Variants in TPRG1 observed in about 807,000 individuals in gnomAD.
TPRG1 encodes the protein tumor protein p63 regulated 1.
TPRG1 carries 29 observed loss-of-function variants against 29.3 expected under a neutral mutation model. The ratio of observed to expected loss-of-function variants is 0.99; its 90% CI spans 0.74 to 1.35. TPRG1 has a LOEUF of 1.35. Among genes scored for constraint, TPRG1 ranks in the 40% most tolerant of loss-of-function variants. The pLI, the probability that TPRG1 is intolerant of heterozygous loss-of-function variation, is 0.00. For missense variants in TPRG1, 327 were observed against 335.0 expected, an observed-to-expected ratio of 0.98 and a Z score of 0.19; for synonymous variants, 130 against 116.8, an observed-to-expected ratio of 1.11 and a Z score of -0.73.
chr3:189,207,719 A>C, intron 2 of TPRG1, 125 bp downstream of exon 2: 1 of 863,766 alleles, frequency 1.2e-6, no homozygotes, highest in Non-Finnish European at 1.8e-6. Context: ...CATAATAATC[A>C]TGAAGTAGCT....
intron 3 of TPRG1, among the ~76,000 whole-genome samples, chr3:189,011,889 T>C (rs1712620372): frequency 6.6e-6 from 1 of 152,214 alleles, no homozygotes; most frequent in Non-Finnish European, 1.5e-5. Context: ...ATTCTTTTTG[T>C]AGCAATTGTG....
At chr3:189,161,567 C>T (rs2108632228) in intron 5 of TPRG1, among the ~76,000 whole-genome samples, 1 of 152,194 alleles carries the variant, frequency 6.6e-6, no homozygotes, top group Admixed American at 6.5e-5. Flanking sequence ...CCCTCAGGCC[C>T]AAAAGCCTGG....
At chr3:189,265,215 A>G (rs1403469309) in intron 4 of TPRG1, among the ~76,000 whole-genome samples, 1 of 152,142 alleles carries the variant, frequency 6.6e-6, no homozygotes, top group Non-Finnish European at 1.5e-5. Flanking sequence ...TATGGTTGTC[A>G]ATGTGAGTTG....
intron 4 of TPRG1, among the ~76,000 whole-genome samples, chr3:189,082,735 A>G (rs1437935613): frequency 1.3e-5 from 2 of 152,200 alleles, no homozygotes; most frequent in African/African-American, 2.4e-5. Context: ...TGGTTAGAAC[A>G]TTCATAAATG....
chr3:189,226,091 A>G (rs1737677725), intron 3 of TPRG1, among the ~76,000 whole-genome samples: 1 of 152,256 alleles, frequency 6.6e-6, no homozygotes, highest in African/African-American at 2.4e-5. Context: ...AGTAATTGGT[A>G]TCACCGCTAG....
At chr3:189,027,125 A>G (rs573045743) in intron 4 of TPRG1, among the ~76,000 whole-genome samples, 6 of 152,182 alleles carry the variant, frequency 3.9e-5, no homozygotes, top group Non-Finnish European at 8.8e-5. Context: ...GTGGGAAAGC[A>G]CTAGAGAAAA....
chr3:189,279,658 C>G (rs1664539509), intron 4 of TPRG1, among the ~76,000 whole-genome samples: 1 of 151,950 alleles, frequency 6.6e-6, no homozygotes, highest in African/African-American at 2.4e-5. Context: ...AGTGAGCCCT[C>G]AATGAAAGGT....
intron 4 of TPRG1, 89 bp from the exon 5 acceptor site, chr3:189,310,297 A>T: frequency 8.7e-7 from 1 of 1,152,438 alleles, no homozygotes; most frequent in East Asian, 2.6e-5. Flanking sequence ...GTTGGGAGTT[A>T]ATATGAAGGC....
intron 4 of TPRG1, among the ~76,000 whole-genome samples, chr3:189,038,960 A>T (rs1433319576): frequency 6.6e-6 from 1 of 152,228 alleles, no homozygotes; most frequent in African/African-American, 2.4e-5. Context: ...AGAAAGTCAG[A>T]TGGTATCATT....
At position 189,321,760 on chromosome 3, in the gene TPRG1, C is replaced by G. The variant is rs1724337843; in HGVS notation, c.*940C>G. The G allele has an allele frequency of 6.6e-6, 1 of 152,036 alleles. No individual in the cohort carries two copies. Among genetic ancestry groups the G allele is most frequent in the Admixed American group, 6.6e-5 (1 of 15,238 alleles). 9.4% of individuals were successfully genotyped at this position (152,036 alleles called of 1,614,324 possible). A position where few individuals can be genotyped will look rare whatever the true frequency, so the allele number is the denominator to read the frequency against. On this transcript the variant is annotated 3_prime_UTR_variant, in exon 6 of 6. Coordinates refer to ENST00000345063, the MANE Select transcript of TPRG1 (RefSeq NM_198485.4). ...ACAGACCTTTTTCTTCTAAAGAAAT[C>G]TTTTGTAGAAGCAGCATATACGAAG...
intron 1 of TPRG1, chr3:189,121,601 G>A (rs1444407862): frequency 6.6e-6 from 1 of 152,148 alleles, no homozygotes; most frequent in Non-Finnish European, 1.5e-5. Flanking sequence ...TGCTATTACT[G>A]GAATTATTTG....
chr3:189,031,944 A>T (rs1404087755), intron 4 of TPRG1, among the ~76,000 whole-genome samples: 2 of 152,114 alleles, frequency 1.3e-5, no homozygotes, highest in African/African-American at 2.4e-5. Context: ...TATTAGTTAG[A>T]ATTTAGGTCC....
chr3:189,086,230 G>T (rs971349457), intron 4 of TPRG1, among the ~76,000 whole-genome samples: 4 of 152,128 alleles, frequency 2.6e-5, no homozygotes, highest in Non-Finnish European at 4.4e-5. Context: ...AGGCCAGAAG[G>T]CTCAGCCAGT....
At chr3:189,296,433 G>A (rs923661895) in intron 4 of TPRG1, among the ~76,000 whole-genome samples, 19 of 152,136 alleles carry the variant, frequency 1.2e-4, no homozygotes, top group Non-Finnish European at 1.5e-5. Context: ...CAAATATACA[G>A]ACGATTACAA....
chr3:189,235,176 A>G (rs1235045467), intron 3 of TPRG1, among the ~76,000 whole-genome samples: 8 of 150,582 alleles, frequency 5.3e-5, no homozygotes, highest in Non-Finnish European at 8.8e-5. Flanking sequence ...AGAACTGTTG[A>G]AGTGTTTTGA....
At chr3:189,050,141 C>G (rs1196309903) in intron 4 of TPRG1, among the ~76,000 whole-genome samples, 1 of 151,574 alleles carries the variant, frequency 6.6e-6, no homozygotes, top group African/African-American at 2.4e-5. Flanking sequence ...ATAAATGAAA[C>G]AAAAAGCTGG....
At chr3:189,210,592 C>G (rs1735111676) in intron 2 of TPRG1, among the ~76,000 whole-genome samples, 1 of 152,154 alleles carries the variant, frequency 6.6e-6, no homozygotes, top group Non-Finnish European at 1.5e-5. Context: ...CTTTACTATG[C>G]AAAACATTAT....
At chr3:189,315,547 G>C (rs1560694636) in intron 5 of TPRG1, 1 of 454,572 alleles carries the variant, frequency 2.2e-6, no homozygotes, top group Non-Finnish European at 4.4e-6. Context: ...CTGATGAATA[G>C]CAGTGAACGC....
At position 189,203,772 on chromosome 3, in the gene TPRG1, TG is replaced by T. The variant is rs1444221125; in HGVS notation, c.-9-3602del. ...AAGTATGAACATTGGCTGGGCAAGG[TG>T]GCTCATGCCTATAATCCCAGGACTT... On this transcript the variant is annotated intron_variant, in intron 1 of 5. Transcript: ENST00000345063. Among the ~76,000 whole-genome samples the T allele has an allele frequency of 4.6e-5, 7 of 152,176 alleles. No homozygotes were observed. The South Asian group carries it at 1.4e-3, about 31-fold the overall frequency.
Sources: allele counts gnomAD v4.1 joint callset (sites outside exome capture counted in the v4.1 genomes callset), GRCh38; gene constraint gnomAD v4.1.1; transcripts MANE v1.5; gene names NCBI Gene and HGNC (gene_info 2026-07-23, HGNC 2026-07-21).